FAM114A1: variants seen among roughly 807,000 people sequenced by gnomAD.
FAM114A1 encodes protein NOXP20.
Under a neutral mutation model 64.3 loss-of-function variants are expected in FAM114A1, and 62 were observed. That is an observed-to-expected ratio of 0.96 (90% CI 0.79 to 1.19). The LOEUF is 1.19. Among genes scored for constraint, FAM114A1 ranks in the 50% most tolerant of loss-of-function variants. FAM114A1 has a pLI of 0.00. For missense variants in FAM114A1, 645 were observed against 676.3 expected (o/e 0.95, Z 0.51); for synonymous variants, 254 against 251.1 (o/e 1.01, Z -0.11).
intron 14 of FAM114A1, 54 bp downstream of exon 14, chr4:38,941,075 A>G (rs1277120351): frequency 2.2e-6 from 3 of 1,341,768 alleles, no homozygotes; most frequent in Non-Finnish European, 3.0e-6. Context: ...TGTTAGAACT[A>G]CTTTTTTTTT....
At chr4:38,907,243 T>C (rs957515402) in intron 6 of FAM114A1, among the ~76,000 whole-genome samples, 2 of 152,286 alleles carry the variant, frequency 1.3e-5, no homozygotes, top group East Asian at 3.9e-4. Flanking sequence ...ACCACCCCCG[T>C]GGGGGGTTTG....
intron 12 of FAM114A1, among the ~76,000 whole-genome samples, chr4:38,934,150 T>C (rs1720888118): frequency 6.6e-6 from 1 of 152,194 alleles, no homozygotes; most frequent in African/African-American, 2.4e-5. Flanking sequence ...AGGTACTGGT[T>C]TATCTTTGCA....
chr4:38,887,521 C>G (rs1253555721), intron 3 of FAM114A1, among the ~76,000 whole-genome samples: 2 of 152,154 alleles, frequency 1.3e-5, no homozygotes, highest in African/African-American at 4.8e-5. Context: ...GACTTAAAGA[C>G]TCTTAATAAT....
intron 13 of FAM114A1, among the ~76,000 whole-genome samples, chr4:38,936,329 C>T (rs537298246): frequency 5.3e-5 from 8 of 151,878 alleles, no homozygotes; most frequent in South Asian, 2.1e-4. Flanking sequence ...CTCCTGACCT[C>T]GTGATCCGCC....
chr4:38,940,726 T>G (rs1446643406), intron 13 of FAM114A1, among the ~76,000 whole-genome samples: 1 of 152,174 alleles, frequency 6.6e-6, no homozygotes, highest in Admixed American at 6.5e-5. Flanking sequence ...CTGATCCCTA[T>G]TCTCTCCTCT....
At chr4:38,913,572 T>C (rs1718763799) in intron 7 of FAM114A1, among the ~76,000 whole-genome samples, 1 of 152,028 alleles carries the variant, frequency 6.6e-6, no homozygotes, top group African/African-American at 2.4e-5. Flanking sequence ...TTTTGTATTT[T>C]TAGTAGATAC....
chr4:38,930,052 C>T (rs1720503822), intron 10 of FAM114A1, among the ~76,000 whole-genome samples: 1 of 152,102 alleles, frequency 6.6e-6, no homozygotes, highest in Admixed American at 6.5e-5. Context: ...TCTAAAGAAA[C>T]ATGCCAGAAT....
chr4:38,882,313 C>T (rs1262575611), intron 3 of FAM114A1, among the ~76,000 whole-genome samples: 3 of 85,382 alleles, frequency 3.5e-5, no homozygotes, highest in East Asian at 3.2e-4. Flanking sequence ...AGCGAGACTC[C>T]GTCTCAAAAA....
intron 4 of FAM114A1, 77 bp downstream of exon 4, chr4:38,891,907 A>T (rs1166958250): frequency 1.5e-6 from 2 of 1,307,566 alleles, no homozygotes; most frequent in East Asian, 2.5e-5. Flanking sequence ...CGTACTGTAT[A>T]CTAATAGAGT....
intron 2 of FAM114A1, among the ~76,000 whole-genome samples, chr4:38,872,439 G>A (rs1047448918): frequency 1.3e-5 from 2 of 152,146 alleles, no homozygotes; most frequent in African/African-American, 4.8e-5. Flanking sequence ...TTACTCTGAT[G>A]TTCCTGCTTA....
In FAM114A1 at chr4:38,868,563, A is replaced by ACCTCAGACCAGGCG. The variant is rs1183294959; in HGVS notation, c.-9+21_-9+34dup. ...TGCCATCCGGTGAGTATTTCCAGGC[A>ACCTCAGACCAGGCG]CCTCAGACCAGGCGCCTGAACGTCA... On this transcript the variant is annotated intron_variant, in intron 2 of 14. Transcript: ENST00000358869. 6.6e-6 allele frequency: 1 copy of ACCTCAGACCAGGCG among 152,594 alleles called. No homozygotes were observed. The highest frequency in any genetic ancestry group is 1.5e-5 in the Non-Finnish European group (1 of 68,356). 9.5% of individuals were successfully genotyped at this position (152,594 alleles called of 1,614,324 possible).
At chr4:38,942,044 G>T (rs999685646) in intron 14 of FAM114A1, among the ~76,000 whole-genome samples, 1 of 152,162 alleles carries the variant, frequency 6.6e-6, no homozygotes, top group African/African-American at 2.4e-5. Flanking sequence ...AAGAGAGCTT[G>T]TGCAGAGAAA....
intron 2 of FAM114A1, among the ~76,000 whole-genome samples, chr4:38,872,238 G>T (rs537509250): frequency 9.2e-5 from 14 of 152,222 alleles, no homozygotes; most frequent in Non-Finnish European, 1.8e-4. Flanking sequence ...CCTGAATAAG[G>T]CACTTCAAAT....
chr4:38,870,623 C>A (rs1170842749), intron 2 of FAM114A1, among the ~76,000 whole-genome samples: 1 of 152,192 alleles, frequency 6.6e-6, no homozygotes, highest in Non-Finnish European at 1.5e-5. Context: ...CCTGAAGCAG[C>A]CTCCTTGTTT....
chr4:38,909,212 G>C (rs1718307580), intron 7 of FAM114A1, among the ~76,000 whole-genome samples: 1 of 152,178 alleles, frequency 6.6e-6, no homozygotes, highest in Non-Finnish European at 1.5e-5. Flanking sequence ...TAGCCCCTCT[G>C]TGCCTCAGCT....
At chr4:38,887,110 A>C (rs951628062) in intron 3 of FAM114A1, among the ~76,000 whole-genome samples, 1 of 152,128 alleles carries the variant, frequency 6.6e-6, no homozygotes, top group African/African-American at 2.4e-5. Context: ...GTAATTGTGA[A>C]TCGCAGGGTA....
At chr4:38,872,301 C>T (rs1024985709) in intron 2 of FAM114A1, among the ~76,000 whole-genome samples, 1 of 152,188 alleles carries the variant, frequency 6.6e-6, no homozygotes, top group Admixed American at 6.5e-5. Flanking sequence ...ATGCACGTGT[C>T]ACATAGTATA....
chr4:38,871,870 G>A (rs73811242), intron 2 of FAM114A1, among the ~76,000 whole-genome samples: 1,842 of 152,294 alleles, frequency 0.012, 41 homozygotes, highest in African/African-American at 0.039. Flanking sequence ...TTTTAGGCCT[G>A]TGTTCTAGAG....
At chr4:38,918,687 G>A (rs747280769) in intron 8 of FAM114A1, among the ~76,000 whole-genome samples, 15 of 152,118 alleles carry the variant, frequency 9.9e-5, no homozygotes, top group Non-Finnish European at 1.6e-4. Flanking sequence ...GGCCAGGCAC[G>A]GTGGCTCACA....
Sources: gnomAD v4.1 joint callset for allele counts (sites outside exome capture counted in the v4.1 genomes callset) on GRCh38, gnomAD v4.1.1 for gene constraint, MANE v1.5 for transcripts, NCBI Gene and HGNC (gene_info 2026-07-23, HGNC 2026-07-21) for gene names.